Variants in MFSD1 observed in about 807,000 individuals in gnomAD.
MFSD1 encodes lysosomal dipeptide transporter MFSD1.
In MFSD1, 59 loss-of-function variants were observed where a neutral mutation model predicts 67.1. That is an observed-to-expected ratio of 0.88 (90% confidence interval 0.71 to 1.09). The LOEUF (loss-of-function observed/expected upper bound fraction) is 1.09. MFSD1 is among the 50% of genes least tolerant of loss of function. The probability of loss-of-function intolerance (pLI) is 0.00; values close to 1 mark genes in which losing one functional copy is unlikely to be tolerated. For synonymous variants in MFSD1, 213 were observed against 200.3 expected (o/e 1.06, Z -0.54); for missense variants, 552 against 566.1 (o/e 0.97, Z 0.25).
rs769367528 is a variant in MFSD1 at position 158,802,204 on chromosome 3, G to A, written c.52G>A (p.Glu18Lys). 9 of 1,610,564 alleles carry A rather than the reference G, an allele frequency of 5.6e-6. No homozygotes were observed. The Admixed American group carries it at 1.5e-4, about 27-fold the overall frequency. Reference protein sequence around the residue: ...ARALLAGGPDEADRGAPAAPG... With the variant: ...ARALLAGGPDKADRGAPAAPG... ...GGCGCTCCTGGCAGGCGGCCCTGACGAGGCCGACAGAGGTGCCCCGGCCGC... is the reference window on the plus strand; with the variant it reads ...GGCGCTCCTGGCAGGCGGCCCTGACAAGGCCGACAGAGGTGCCCCGGCCGC... The change falls in exon 1 of 16, where the codon GAG becomes AAG. Residue 18 changes from glutamate (E) to lysine (K), a missense_variant. By Grantham distance (56) the Glu-to-Lys change is moderately conservative. Transcript: ENST00000415822.
chr3:158,820,134 TA>T, intron 8 of MFSD1, 80 bp from the exon 9 acceptor site: 1 of 734,026 alleles, frequency 1.4e-6, no homozygotes, highest in Non-Finnish European at 2.3e-6. Flanking sequence ...CACAAGATTT[TA>T]AAAAATAATC....
At chr3:158,824,405 TC>T in intron 13 of MFSD1, 169 bp downstream of exon 13, 1 of 606,106 alleles carries the variant, frequency 1.6e-6, no homozygotes, top group Non-Finnish European at 2.9e-6. Context: ...TTTAGGAGAT[TC>T]CTATCCTTAA....
intron 11 of MFSD1, 23 bp from the exon 12 acceptor site, chr3:158,823,405 C>G: frequency 6.5e-7 from 1 of 1,533,648 alleles, no homozygotes; most frequent in East Asian, 2.2e-5. Context: ...AGACTGTGAC[C>G]TTTTCTGCGT....
At chr3:158,819,811 A>C (rs146465860) in intron 8 of MFSD1, 64 bp downstream of exon 8, 2 of 889,680 alleles carry the variant, frequency 2.2e-6, no homozygotes, top group East Asian at 2.5e-5. Context: ...TTATAATGAG[A>C]TCTAAGTTCC....
intron 13 of MFSD1, chr3:158,824,504 T>G: frequency 2.7e-6 from 1 of 375,838 alleles, no homozygotes; most frequent in Non-Finnish European, 4.9e-6. Context: ...GTGGAACAAT[T>G]TGAAGAGTCC....
intron 7 of MFSD1, among the ~76,000 whole-genome samples, chr3:158,818,037 A>G (rs951113952): frequency 1.3e-5 from 2 of 152,082 alleles, no homozygotes; most frequent in African/African-American, 4.8e-5. Context: ...TGGGTGGGTC[A>G]CTGGGAAGGG....
At position 158,826,001 on chromosome 3, in the gene MFSD1, T is replaced by G. The variant is rs1217859304; in HGVS notation, c.1289-14T>G. The G allele has an allele frequency of 1.9e-6, 3 of 1,609,492 alleles. No individual in the cohort carries two copies. In the African/African-American group the frequency reaches 4.0e-5, roughly 22 times the overall value. ...AATACATATTTTAAGGGCCCTATGT[T>G]TTTTCACTCCTAGTGTCACTTTTAT... On this transcript the variant is annotated splice_polypyrimidine_tract_variant and intron_variant, in intron 13 of 15. Transcript: ENST00000415822.
chr3:158,803,814 T>C (rs1006517032), intron 1 of MFSD1, among the ~76,000 whole-genome samples: 1 of 152,190 alleles, frequency 6.6e-6, no homozygotes, highest in Non-Finnish European at 1.5e-5. Context: ...TTTTCACTCC[T>C]GGCCCTGTAT....
intron 15 of MFSD1, 89 bp downstream of exon 15, chr3:158,827,426 T>TC: frequency 1.4e-6 from 1 of 722,400 alleles, no homozygotes. Flanking sequence ...TGAAGTTTTT[T>TC]TTTTTTTTTT....
chr3:158,824,576 G>T, intron 13 of MFSD1: 1 of 168,696 alleles, frequency 5.9e-6, no homozygotes, highest in East Asian at 1.6e-4. Context: ...GAGTACTCAT[G>T]GTTATTCATT....
At chr3:158,821,775 C>T in intron 10 of MFSD1, 122 bp downstream of exon 10, 1 of 986,116 alleles carries the variant, frequency 1.0e-6, no homozygotes, top group Non-Finnish European at 1.5e-6. Context: ...GAAACTGGGA[C>T]TACATTGGGA....
rs774649702 is a variant in MFSD1, at chr3:158,827,332, T to C, written c.1389T>C (p.His463=). The part of the protein sequence containing the change: ...ARQREEIKFS[H]TE ...AAAGGGAAGAAATAAAATTTTCCCATACTGAGTAAGTATTAAAAGGGTAAA... is the reference window on the plus strand; with the variant it reads ...AAAGGGAAGAAATAAAATTTTCCCACACTGAGTAAGTATTAAAAGGGTAAA... Residue 463 remains histidine (H), a synonymous_variant, in exon 15 of 16, where the codon CAT becomes CAC. Transcript: ENST00000415822. 1.8e-5 allele frequency: 28 copies of C among 1,536,800 alleles called. No individual in the cohort carries two copies. The South Asian group carries it at 3.4e-4, about 18-fold the overall frequency.
rs1729792490 is a variant in MFSD1 at position 158,807,568 on chromosome 3, CT to C, written c.440+108del. 3.3e-6 allele frequency: 3 copies of C among 896,058 alleles called. No individual in the cohort carries two copies. The South Asian group carries it at 4.6e-5, about 14-fold the overall frequency. The allele number at this position is 896,058 out of a possible 1,614,324, so 55.5% of individuals were successfully genotyped here. Reference sequence around the variant, plus strand: ...TCTCTTCTGGGGAATTACTTCAAATCTTTGAAACCTAGCTTCATATGCATAA... The same window carrying C: ...TCTCTTCTGGGGAATTACTTCAAATCTTGAAACCTAGCTTCATATGCATAA... On this transcript the variant is annotated intron_variant, in intron 5 of 15. Coordinates refer to ENST00000415822, the MANE Select transcript of MFSD1 (RefSeq NM_022736.4).
chr3:158,815,603 T>C lies in MFSD1; in HGVS notation c.652+1536T>C, dbSNP rs193129329. Among the ~76,000 whole-genome samples the C allele has an allele frequency of 4.0e-3, 610 of 152,072 alleles. 2 individuals carry two copies. Among genetic ancestry groups the C allele is most frequent in the African/African-American group, 0.014 (569 of 41,538 alleles). On this transcript the variant is annotated intron_variant, in intron 7 of 15. Coordinates refer to ENST00000415822, the MANE Select transcript of MFSD1 (RefSeq NM_022736.4). ...AATACAGATATTATTTATATCATTT[T>C]CTGTTTCTATTTCCTTGTACTTTTC...
chr3:158,805,459 G>T lies in MFSD1; in HGVS notation c.314G>T (p.Arg105Leu), dbSNP rs1430522765. The T allele has an allele frequency of 6.2e-7, 1 of 1,611,502 alleles. No individual in the cohort carries two copies. Among genetic ancestry groups the T allele is most frequent in the Non-Finnish European group, 8.5e-7 (1 of 1,177,708 alleles). ...LCFFGGFLID[R>L]VFGIRWGTII... ...TTCTTTGGTGGCTTTTTGATAGACC[G>T]AGTATTTGGAATACGGTAAGCTTGA... Residue 105 changes from arginine to leucine, a missense_variant, in exon 3 of 16, where the codon CGA becomes CTA. Coordinates refer to ENST00000415822, the MANE Select transcript of MFSD1 (RefSeq NM_022736.4).
Position 158,820,200 on chromosome 3 carries a change from C to T in MFSD1, c.752-15C>T. 4.2e-6 allele frequency: 6 copies of T among 1,435,440 alleles called. No homozygotes were observed. Among genetic ancestry groups the T allele is most frequent in the Non-Finnish European group, 5.9e-6 (6 of 1,018,682 alleles). The allele number at this position is 1,435,440 out of a possible 1,614,324, so 88.9% of individuals were successfully genotyped here. On this transcript the variant is annotated splice_polypyrimidine_tract_variant and intron_variant, in intron 8 of 15. Coordinates refer to ENST00000415822, the MANE Select transcript of MFSD1 (RefSeq NM_022736.4). ...GCAAAATTATGCTGATAGTGTCTTC[C>T]CTTTCTTCTCTAAGGTGAAGTTATT...
intron 6 of MFSD1, among the ~76,000 whole-genome samples, chr3:158,811,022 C>T (rs1559917322): frequency 6.6e-6 from 1 of 152,130 alleles, no homozygotes; most frequent in Non-Finnish European, 1.5e-5. Flanking sequence ...GTTACCAGGA[C>T]ATCAGGTTCT....
At position 158,824,968 on chromosome 3, in the gene MFSD1, C is replaced by T. The variant is rs539943243; in HGVS notation, c.1288+732C>T. Among the ~76,000 whole-genome samples the T allele has an allele frequency of 5.9e-5, 9 of 152,016 alleles. No individual in the cohort carries two copies. In the South Asian group the frequency reaches 6.2e-4, roughly 11 times the overall value. On this transcript the variant is annotated intron_variant, in intron 13 of 15. Transcript: ENST00000415822. ...AACGTGCTTGTTTTAGAAACAAGGA[C>T]GTCAAGTTTTAAAAATAAATGTTTA... is the stretch of plus-strand genomic sequence containing the variant.
At chr3:158,813,237 G>A (rs992089032) in intron 6 of MFSD1, among the ~76,000 whole-genome samples, 2 of 149,560 alleles carry the variant, frequency 1.3e-5, no homozygotes, top group African/African-American at 2.5e-5. Context: ...AACCTCTACC[G>A]CCTGGGTTCA....
Sources: gnomAD v4.1 joint callset for allele counts (sites outside exome capture counted in the v4.1 genomes callset) on GRCh38, gnomAD v4.1.1 for gene constraint, MANE v1.5 for transcripts, NCBI Gene and HGNC (gene_info 2026-07-23, HGNC 2026-07-21) for gene names.